ADGRB1: variants seen among roughly 807,000 people sequenced by gnomAD.
ADGRB1 encodes adhesion G protein-coupled receptor B1.
In ADGRB1, 36 loss-of-function variants were observed where a neutral mutation model predicts 175.7. That is an observed-to-expected ratio of 0.20 (90% confidence interval 0.16 to 0.27). The LOEUF is 0.27. ADGRB1 is among the 10% of genes least tolerant of loss of function. The pLI is 1.00. For synonymous variants in ADGRB1, 1,054 were observed against 979.4 expected (o/e 1.08, Z -1.42); for missense variants, 1,731 against 2,255.3 (o/e 0.77, Z 4.71).
At chr8:142,451,156 G>A (rs1389611638) in intron 1 of ADGRB1, among the ~76,000 whole-genome samples, 2 of 152,146 alleles carry the variant, frequency 1.3e-5, no homozygotes, top group Admixed American at 1.3e-4. Context: ...GCCTCGGGAG[G>A]GGGCGGCGGA....
intron 1 of ADGRB1, among the ~76,000 whole-genome samples, chr8:142,461,264 T>C (rs1330358793): frequency 6.6e-6 from 1 of 152,170 alleles, no homozygotes; most frequent in Non-Finnish European, 1.5e-5. Flanking sequence ...TCTGTGGACC[T>C]CAGCATGCCC....
chr8:142,457,113 C>T (rs1157160158), intron 1 of ADGRB1, among the ~76,000 whole-genome samples: 4 of 152,178 alleles, frequency 2.6e-5, no homozygotes, highest in Admixed American at 6.5e-5. Context: ...CAGTGAGGCC[C>T]GGAACCTGAG....
At chr8:142,516,411 TGGGCCCCAGGTGTGCGTGTGTGC>T (rs1290288205) in intron 18 of ADGRB1, among the ~76,000 whole-genome samples, 3 of 114,426 alleles carry the variant, frequency 2.6e-5, no homozygotes, top group East Asian at 5.8e-4. Flanking sequence ...TGCGTGTGTG[TGGGCCCCAGGTGTGCGTGTGTGC>T]GGGCCCCAGG....
chr8:142,509,439 G>C (rs1421836818), intron 17 of ADGRB1, among the ~76,000 whole-genome samples: 1 of 152,238 alleles, frequency 6.6e-6, no homozygotes, highest in Non-Finnish European at 1.5e-5. Context: ...TGGGGTCAGG[G>C]CTGCGTGTGG....
chr8:142,521,585 G>A (rs958363824), intron 20 of ADGRB1, among the ~76,000 whole-genome samples: 1 of 152,258 alleles, frequency 6.6e-6, no homozygotes, highest in Non-Finnish European at 1.5e-5. Flanking sequence ...CGCTGTGTGG[G>A]TGAGGTTGCC....
At chr8:142,456,435 TTCC>T (rs1463028007) in intron 1 of ADGRB1, among the ~76,000 whole-genome samples, 2 of 151,962 alleles carry the variant, frequency 1.3e-5, no homozygotes, top group African/African-American at 4.8e-5. Context: ...GTGCACACAC[TTCC>T]TCACCCCCCC....
chr8:142,515,039 A>T (rs1345086633), intron 18 of ADGRB1, among the ~76,000 whole-genome samples: 2 of 152,120 alleles, frequency 1.3e-5, no homozygotes, highest in Non-Finnish European at 2.9e-5. Context: ...GTGGGAGTTC[A>T]TGTGGTGGAA....
At chr8:142,478,872 G>C (rs1424869873) in intron 7 of ADGRB1, among the ~76,000 whole-genome samples, 1 of 149,502 alleles carries the variant, frequency 6.7e-6, no homozygotes, top group Non-Finnish European at 1.5e-5. Context: ...GAGTAGTGGG[G>C]TGCACAGTGG....
At chr8:142,469,637 G>A (rs868162588) in intron 2 of ADGRB1, among the ~76,000 whole-genome samples, 5 of 132,968 alleles carry the variant, frequency 3.8e-5, no homozygotes, top group East Asian at 2.3e-4. Context: ...ATGTGTGTAT[G>A]TGCACGTGCG....
At chr8:142,534,003 C>T (rs766812667) in intron 25 of ADGRB1, among the ~76,000 whole-genome samples, 24 of 152,334 alleles carry the variant, frequency 1.6e-4, no homozygotes, top group Non-Finnish European at 2.5e-4. Flanking sequence ...GCCAGGAGGG[C>T]GGAAGGCCCA....
At chr8:142,536,397 G>A (rs531039813) in intron 25 of ADGRB1, among the ~76,000 whole-genome samples, 5 of 152,162 alleles carry the variant, frequency 3.3e-5, no homozygotes, top group Non-Finnish European at 5.9e-5. Flanking sequence ...TCTGCTGGCC[G>A]CTGGTCTTCC....
rs373251676 is a variant in ADGRB1 at position 142,541,050 on chromosome 8, G to C, written c.3707-891G>C. 3.2e-3 allele frequency among the ~76,000 whole-genome samples: 489 copies of C among 152,198 alleles called. 2 individuals are homozygous for C. The highest frequency in any genetic ancestry group is 0.011 in the African/African-American group (475 of 41,522). On this transcript the variant is annotated intron_variant, in intron 27 of 30. Coordinates refer to ENST00000517894, the MANE Select transcript of ADGRB1 (RefSeq NM_001702.3). ...TGGTGAACACAGGCACCCAGGGCTG[G>C]CTTGGCGTGGTGGGTAACCATCTGC...
At chr8:142,483,317 C>T (rs1351791578) in intron 11 of ADGRB1, among the ~76,000 whole-genome samples, 64 of 94,066 alleles carry the variant, frequency 6.8e-4, no homozygotes, top group African/African-American at 3.5e-3. Flanking sequence ...TGACACTGGT[C>T]ACATGCTGAA....
chr8:142,528,924 A>AG (rs1844412285), intron 24 of ADGRB1, among the ~76,000 whole-genome samples: 1 of 152,164 alleles, frequency 6.6e-6, no homozygotes. Flanking sequence ...GCGCTGCGGT[A>AG]GGGAAGGAGC....
In ADGRB1 at chr8:142,492,937, C is replaced by T. The variant is rs1302223754; in HGVS notation, c.2675+2122C>T. ...CTCCATCCGGGCTGTTCGCCGGCCG[C>T]GGCAGCTCTCGGGGGGCTGCGCCCT... On this transcript the variant is annotated intron_variant, in intron 17 of 30. Coordinates refer to ENST00000517894, the MANE Select transcript of ADGRB1 (RefSeq NM_001702.3). The surrounding 1 kb of genome is among the most constrained non-coding windows in gnomAD (Gnocchi z 4.4). Among the ~76,000 whole-genome samples, 2 of 152,040 alleles carry T rather than the reference C, an allele frequency of 1.3e-5. No individual in the cohort carries two copies. Among genetic ancestry groups the T allele is most frequent in the East Asian group, 2.0e-4 (1 of 5,128 alleles).
intron 25 of ADGRB1, among the ~76,000 whole-genome samples, chr8:142,536,452 C>A (rs187009264): frequency 6.6e-6 from 1 of 152,172 alleles, no homozygotes; most frequent in African/African-American, 2.4e-5. Context: ...TCACCACTGT[C>A]CCCCCTGAAG....
intron 15 of ADGRB1, 58 bp from the exon 16 acceptor site, chr8:142,489,278 C>T: frequency 6.3e-7 from 1 of 1,595,930 alleles, no homozygotes; most frequent in Non-Finnish European, 8.6e-7. Flanking sequence ...TGGGGAAGGG[C>T]CAGGAGGAGC....
At chr8:142,530,761 G>T (rs1029005118) in intron 24 of ADGRB1, among the ~76,000 whole-genome samples, 1 of 152,138 alleles carries the variant, frequency 6.6e-6, no homozygotes, top group African/African-American at 2.4e-5. Flanking sequence ...TCAGAGAGAA[G>T]TGGGGGCCAG....
In ADGRB1 at chr8:142,471,708, G is replaced by A. The variant is rs150297792; in HGVS notation, c.785-3766G>A. 7.9e-5 allele frequency among the ~76,000 whole-genome samples: 12 copies of A among 152,342 alleles called. No individual in the cohort carries two copies. In the East Asian group the frequency reaches 2.1e-3, roughly 27 times the overall value. On this transcript the variant is annotated intron_variant, in intron 2 of 30. Transcript: ENST00000517894. ...TAGCTCACCTGGGAAGTGGCCTGCC[G>A]GATGGTGGACTTGGCTTCTCAGCCC...
Sources: gnomAD v4.1 joint callset for allele counts (sites outside exome capture counted in the v4.1 genomes callset) on GRCh38, gnomAD v4.1.1 for gene constraint, Gnocchi (gnomAD v3.1) non-coding constraint, MANE v1.5 for transcripts, NCBI Gene and HGNC (gene_info 2026-07-23, HGNC 2026-07-21) for gene names.